The following ZNF160 variants were observed in gnomAD, a reference collection of about 807,000 sequenced individuals.
The protein encoded by ZNF160 is zinc finger protein 160, also known as KRAB zinc finger protein KR18.
In ZNF160, 9 loss-of-function variants were observed where a neutral mutation model predicts 13.1. That is an observed-to-expected ratio of 0.69 (90% CI 0.41 to 1.20). The LOEUF (loss-of-function observed/expected upper bound fraction) is 1.20. ZNF160 is among the 50% of genes most tolerant of loss of function. ZNF160 has a pLI of 0.01. For missense variants in ZNF160, 838 were observed against 988.0 expected, an observed-to-expected ratio of 0.85 and a Z score of 2.04; for synonymous variants, 293 against 333.2, an observed-to-expected ratio of 0.88 and a Z score of 1.31.
intron 1 of ZNF160, among the ~76,000 whole-genome samples, chr19:53,098,382 G>A (rs1334329523): frequency 6.6e-6 from 1 of 152,136 alleles, no homozygotes; most frequent in East Asian, 1.9e-4. Context: ...AAGGCCTCTG[G>A]ACACAAGCGA....
chr19:53,069,959 A>C lies in ZNF160; in HGVS notation c.575T>G (p.Leu192Arg), dbSNP rs1337577533. ...GVSFHSHLPE[L>R]QLFQGEGKMY... The stretch of plus-strand genomic sequence containing the variant: ...TTTCCCCTCACCTTGAAATAGCTGC[A>C]GTTCAGGCAGATGAGAATGAAAGCT... Residue 192 changes from leucine to arginine, a missense_variant, in exon 6 of 6, where the codon CTG (leucine) becomes CGG (arginine). Coordinates refer to ENST00000683776, the MANE Select transcript of ZNF160 (RefSeq NM_001322131.2). This position sits in a 1 kb window ranked among gnomAD's most constrained non-coding sequence, Gnocchi z 4.4. 6.2e-7 allele frequency: 1 copy of C among 1,614,162 alleles called. No homozygotes were observed. The highest frequency in any genetic ancestry group is 1.1e-5 in the South Asian group (1 of 91,084).
intron 2 of ZNF160, among the ~76,000 whole-genome samples, chr19:53,089,867 CCT>C (rs1747148116): frequency 6.6e-6 from 1 of 151,006 alleles, no homozygotes; most frequent in Non-Finnish European, 1.5e-5. Context: ...ATTTTGAGCC[CCT>C]CTCCTCTCCT....
chr19:53,085,517 A>C (rs1046496432), intron 3 of ZNF160: 4 of 152,556 alleles, frequency 2.6e-5, no homozygotes, highest in African/African-American at 9.6e-5. Flanking sequence ...TTGACTCATA[A>C]CTGGTAAAAC....
chr19:53,087,446 G>A (rs994832061), intron 2 of ZNF160, among the ~76,000 whole-genome samples: 18 of 152,310 alleles, frequency 1.2e-4, no homozygotes, highest in South Asian at 2.1e-4. Context: ...ATGACAAGAA[G>A]TTCAGCTGAG....
chr19:53,067,902 G>T lies in ZNF160; in HGVS notation c.*175C>A. ...GATGCCTAGTAACCTGCGAGGCCTG[G>T]ATAGACCCTCTGCCACATATGTTTA... On this transcript the variant is annotated 3_prime_UTR_variant, in exon 6 of 6. Coordinates refer to ENST00000683776, the MANE Select transcript of ZNF160 (RefSeq NM_001322131.2). The T allele has an allele frequency of 1.1e-6, 1 of 872,376 alleles. No homozygotes were observed. The highest frequency in any genetic ancestry group is 1.7e-6 in the Non-Finnish European group (1 of 592,644). The allele number at this position is 872,376 out of a possible 1,614,324, so 54.0% of individuals were successfully genotyped here.
At chr19:53,084,499 C>T (rs1041143165) in intron 3 of ZNF160, among the ~76,000 whole-genome samples, 1 of 151,998 alleles carries the variant, frequency 6.6e-6, no homozygotes, top group Non-Finnish European at 1.5e-5. Context: ...GCTCCGGCCT[C>T]GCTCCAGCAA....
intron 2 of ZNF160, among the ~76,000 whole-genome samples, chr19:53,090,168 C>T (rs1312093312): frequency 2.0e-5 from 3 of 152,062 alleles, no homozygotes; most frequent in African/African-American, 7.2e-5. Flanking sequence ...GCTGTCCCGT[C>T]TTGCTGTCCC....
At chr19:53,087,143 A>C (rs919809108) in intron 2 of ZNF160, among the ~76,000 whole-genome samples, 2 of 152,320 alleles carry the variant, frequency 1.3e-5, no homozygotes, top group African/African-American at 2.4e-5. Flanking sequence ...TTCTAGGCAG[A>C]GGGCCAGCCC....
chr19:53,072,812 T>C, intron 5 of ZNF160: 1 of 382,140 alleles, frequency 2.6e-6, no homozygotes, highest in Non-Finnish European at 3.6e-6. Context: ...GATCGCACCA[T>C]TGCACTCCAG....
chr19:53,092,841 T>G (rs892628942), intron 1 of ZNF160, among the ~76,000 whole-genome samples: 8 of 152,168 alleles, frequency 5.3e-5, no homozygotes, highest in African/African-American at 1.9e-4. Flanking sequence ...ATTTCACAAC[T>G]ACATCTACAG....
Position 53,079,549 on chromosome 19 carries a change from TAAA to T in ZNF160, c.16-4369_16-4367del, listed in dbSNP as rs56752437. Reference sequence around the variant, plus strand: ...TGAGCAACAAGAGCAAAACTCCATCTAAAAAAAAAAAAAAAAAAAAAAAATAGG... The same window carrying T: ...TGAGCAACAAGAGCAAAACTCCATCTAAAAAAAAAAAAAAAAAAAAATAGG... On this transcript the variant is annotated intron_variant, in intron 3 of 5. Transcript: ENST00000683776. Among the ~76,000 whole-genome samples, 50 of 100,384 alleles carry T rather than the reference TAAA, an allele frequency of 5.0e-4. 1 individual carries two copies. The highest frequency in any genetic ancestry group is 1.8e-3 in the African/African-American group (47 of 25,614). 65.9% of individuals were successfully genotyped at this position (100,384 alleles called of 152,430 possible). A position where few individuals can be genotyped will look rare whatever the true frequency, so the allele number is the denominator to read the frequency against.
intron 5 of ZNF160, among the ~76,000 whole-genome samples, chr19:53,071,538 T>C (rs1449410623): frequency 4.1e-5 from 2 of 48,548 alleles, no homozygotes; most frequent in Non-Finnish European, 4.0e-5. Context: ...CTCCGTCTCA[T>C]CAAAAAAAAA....
intron 1 of ZNF160, among the ~76,000 whole-genome samples, chr19:53,101,584 C>T (rs1487680829): frequency 3.3e-5 from 5 of 152,036 alleles, no homozygotes; most frequent in South Asian, 2.1e-4. Context: ...GAAAAAGAGA[C>T]TGAATTAGAT....
chr19:53,085,291 T>G (rs1341417162), intron 3 of ZNF160: 1 of 815,474 alleles, frequency 1.2e-6, no homozygotes, highest in Non-Finnish European at 1.5e-6. Context: ...CTGAGGAATT[T>G]GTTTAAATCT....
chr19:53,097,861 G>A (rs964136842), intron 1 of ZNF160, among the ~76,000 whole-genome samples: 3 of 152,148 alleles, frequency 2.0e-5, no homozygotes, highest in African/African-American at 4.8e-5. Flanking sequence ...AAATCACCCC[G>A]TGGAGCGGAT....
Position 53,067,858 on chromosome 19 carries a change from C to T in ZNF160, c.*219G>A. The T allele has an allele frequency of 1.9e-6, 1 of 539,444 alleles. No individual in the cohort carries two copies. The highest frequency in any genetic ancestry group is 3.1e-6 in the Non-Finnish European group (1 of 324,964). The allele number at this position is 539,444 out of a possible 1,614,324, so 33.4% of individuals were successfully genotyped here. ...GATGCATATTACATTTGTTTCGTTT[C>T]ATCAAAGATATAAATCTTGATGCCT... On this transcript the variant is annotated 3_prime_UTR_variant, in exon 6 of 6. Coordinates refer to ENST00000683776, the MANE Select transcript of ZNF160 (RefSeq NM_001322131.2).
At chr19:53,077,980 G>T (rs894729842) in intron 3 of ZNF160, among the ~76,000 whole-genome samples, 1 of 151,974 alleles carries the variant, frequency 6.6e-6, no homozygotes, top group South Asian at 2.1e-4. Context: ...GATGGCTCAC[G>T]CCTGTAATCC....
At chr19:53,093,393 C>A (rs548205736) in intron 1 of ZNF160, among the ~76,000 whole-genome samples, 2 of 152,064 alleles carry the variant, frequency 1.3e-5, no homozygotes, top group Non-Finnish European at 2.9e-5. Context: ...GAGCCAAGAT[C>A]GTGCCACTGC....
chr19:53,086,218 T>G, intron 3 of ZNF160, 44 bp downstream of exon 3: 6 of 1,556,954 alleles, frequency 3.9e-6, no homozygotes, highest in Non-Finnish European at 5.2e-6. Flanking sequence ...GCCAGGCATT[T>G]CAGGAAGAAA....
Sources: gnomAD v4.1 joint callset for allele counts (sites outside exome capture counted in the v4.1 genomes callset) on GRCh38, gnomAD v4.1.1 for gene constraint, Gnocchi (gnomAD v3.1) non-coding constraint, MANE v1.5 for transcripts, NCBI Gene and HGNC (gene_info 2026-07-23, HGNC 2026-07-21) for gene names.